Variants in ZNF550 observed in about 807,000 individuals in gnomAD.
The protein encoded by ZNF550 is zinc finger protein 550.
ZNF550 carries 42 observed loss-of-function variants against 40.2 expected under a neutral mutation model. That is an observed-to-expected ratio of 1.05 (90% CI 0.82 to 1.35). ZNF550 has a LOEUF of 1.35. Among genes scored for constraint, ZNF550 ranks in the 40% most tolerant of loss-of-function variants. The probability of loss-of-function intolerance (pLI) is 0.00; values close to 1 mark genes in which losing one functional copy is unlikely to be tolerated. For synonymous variants in ZNF550, 223 were observed against 198.6 expected (o/e 1.12, Z -1.03); for missense variants, 549 against 525.2 (o/e 1.05, Z -0.44).
In ZNF550 at chr19:57,547,026, C is replaced by CT. The variant is rs760625496; in HGVS notation, c.1217dup (p.Ala407GlyfsTer70). The CT allele has an allele frequency of 1.9e-6, 3 of 1,613,614 alleles. No homozygotes were observed. Among genetic ancestry groups the CT allele is most frequent in the Non-Finnish European group, 1.7e-6 (2 of 1,179,596 alleles). Reference sequence around the variant, plus strand: ...GAAGGTGTGACCTGCGTTTGAAGGCCTTCCCACACTCGATACACTTGTAGG... The same window carrying CT: ...GAAGGTGTGACCTGCGTTTGAAGGCCTTTCCCACACTCGATACACTTGTAGG... On this transcript the variant is annotated frameshift_variant, in exon 4 of 5. Transcript: ENST00000457177. LOFTEE classifies it high-confidence loss of function.
chr19:57,547,149 G>A (rs779735903), exon 4 of ZNF550: 18 of 1,611,262 alleles, frequency 1.1e-5, no homozygotes, highest in African/African-American at 2.7e-5. Context: ...TCTCCCCAGT[G>A]TGAATCCGCT....
intron 4 of ZNF550, among the ~76,000 whole-genome samples, chr19:57,545,964 G>A (rs1052908975): frequency 8.7e-4 from 132 of 152,284 alleles, no homozygotes; most frequent in African/African-American, 3.1e-3. Flanking sequence ...AGGGAACTAT[G>A]ATCATGCCAC....
chr19:57,553,726 A>G (rs2090094986), intron 2 of ZNF550: 1 of 152,108 alleles, frequency 6.6e-6, no homozygotes, highest in Non-Finnish European at 1.5e-5. Flanking sequence ...ACAAATCTAA[A>G]TCATTGCTTC....
intron 4 of ZNF550, among the ~76,000 whole-genome samples, chr19:57,545,212 C>G (rs1023432767): frequency 1.3e-5 from 2 of 152,148 alleles, no homozygotes; most frequent in African/African-American, 4.8e-5. Context: ...TAAACCTGCC[C>G]ACGTATATCC....
exon 2 of ZNF550, chr19:57,556,239 A>G (rs746280850): frequency 6.2e-7 from 1 of 1,613,782 alleles, no homozygotes; most frequent in Non-Finnish European, 8.5e-7. Context: ...ACCTAGTGAA[A>G]CCAGAAGCCC....
exon 4 of ZNF550, chr19:57,547,838 G>T: frequency 6.2e-7 from 1 of 1,614,088 alleles, no homozygotes; most frequent in Middle Eastern, 1.6e-4. Flanking sequence ...TTACCTTTCT[G>T]CATTTCCAAA....
intron 4 of ZNF550, chr19:57,543,813 C>A: frequency 2.4e-6 from 1 of 418,110 alleles, no homozygotes; most frequent in Non-Finnish European, 3.2e-6. Flanking sequence ...TGGTGGGCGC[C>A]TGTAATCCCA....
chr19:57,546,746 G>T, exon 4 of ZNF550: 1 of 1,309,720 alleles, frequency 7.6e-7, no homozygotes, highest in Non-Finnish European at 9.7e-7. Context: ...TGCAATGAGT[G>T]AGAACTGAGT....
chr19:57,558,002 AGAG>A (rs1048399044), intron 1 of ZNF550, among the ~76,000 whole-genome samples: 1 of 152,258 alleles, frequency 6.6e-6, no homozygotes, highest in African/African-American at 2.4e-5. Context: ...TGACAGGCCC[AGAG>A]GTAAATGTCG....
intron 3 of ZNF550, among the ~76,000 whole-genome samples, chr19:57,549,076 A>ACT (rs2090049887): frequency 6.6e-6 from 1 of 152,146 alleles, no homozygotes; most frequent in South Asian, 2.1e-4. Flanking sequence ...TGAAGTTAGA[A>ACT]AAGAATGAAT....
At chr19:57,557,039 G>A (rs1202004270) in intron 1 of ZNF550, 1 of 152,282 alleles carries the variant, frequency 6.6e-6, no homozygotes, top group Non-Finnish European at 1.5e-5. Context: ...GAAAGCCTGG[G>A]TATTGTCCAA....
intron 4 of ZNF550, chr19:57,544,438 C>T: frequency 1.0e-6 from 1 of 985,420 alleles, no homozygotes. Flanking sequence ...AGAGGGGTTT[C>T]TCCAACTCTC....
At chr19:57,549,599 G>A (rs1390680223) in intron 3 of ZNF550, among the ~76,000 whole-genome samples, 3 of 152,188 alleles carry the variant, frequency 2.0e-5, no homozygotes, top group Non-Finnish European at 4.4e-5. Flanking sequence ...AGAAGCCAGA[G>A]TCATTGCCAG....
chr19:57,544,635 A>T, intron 4 of ZNF550: 1 of 984,476 alleles, frequency 1.0e-6, no homozygotes, highest in Non-Finnish European at 1.2e-6. Context: ...TCTATTTATA[A>T]TATGTGCAAA....
chr19:57,553,316 G>A (rs1568600160), intron 2 of ZNF550: 1 of 152,256 alleles, frequency 6.6e-6, no homozygotes, highest in South Asian at 2.1e-4. Flanking sequence ...AACACCCACT[G>A]CCCATGACCT....
intron 3 of ZNF550, among the ~76,000 whole-genome samples, chr19:57,551,039 A>G (rs2090068268): frequency 6.6e-6 from 1 of 152,152 alleles, no homozygotes; most frequent in Admixed American, 6.5e-5. Flanking sequence ...ATTTGAATAT[A>G]GATAAGTTGA....
rs768115121 is a variant in ZNF550 at position 57,547,762 on chromosome 19, C to A, written c.482G>T (p.Gly161Val). 3.1e-6 allele frequency: 5 copies of A among 1,614,004 alleles called. No homozygotes were observed. In the East Asian group the frequency reaches 1.1e-4, roughly 36 times the overall value. The stretch of plus-strand genomic sequence containing the variant: ...GTGCAGACCATCATCTGTCCCCAAA[C>A]CTTCACCTTCAAGGCTCACTTTCCC... Residue 161 changes from glycine to valine, a missense_variant, in exon 4 of 5, where the codon GGT becomes GTT. Gly to Val is a moderately radical substitution (Grantham distance 109, BLOSUM62 -3). Coordinates refer to ENST00000457177, the Ensembl canonical transcript of ZNF550.
At position 57,559,005 on chromosome 19, in the gene ZNF550, C is replaced by T. The variant is rs575258207; in HGVS notation, c.27+651G>A. On this transcript the variant is annotated intron_variant, in intron 1 of 4. Transcript: ENST00000457177. ...AAGACAAATTCCTCAGCCTGCCCTA[C>T]CACCTTTTCTGCCCTGGCATAGCAG... 2.6e-4 allele frequency among the ~76,000 whole-genome samples: 39 copies of T among 152,334 alleles called. 1 individual carries two copies. Among genetic ancestry groups the T allele is most frequent in the Middle Eastern group, 3.4e-3 (1 of 294 alleles).
exon 1 of ZNF550, chr19:57,559,794 A>G (rs2123378772): frequency 3.0e-6 from 3 of 1,006,772 alleles, no homozygotes; most frequent in South Asian, 5.6e-5. Context: ...CATCCTTCCC[A>G]GCACAGTTCT....
Sources: allele counts gnomAD v4.1 joint callset (sites outside exome capture counted in the v4.1 genomes callset), GRCh38; gene constraint gnomAD v4.1.1; transcripts MANE v1.5; gene names NCBI Gene and HGNC (gene_info 2026-07-23, HGNC 2026-07-21).